Variants in CRADD observed in about 807,000 individuals in gnomAD.
CRADD encodes the protein death domain-containing protein CRADD.
A neutral mutation model predicts 15.5 loss-of-function variants in CRADD; 9 were observed. The ratio of observed to expected loss-of-function variants is 0.58; its 90% CI spans 0.35 to 1.01. The LOEUF is 1.01. Among genes scored for constraint, CRADD ranks in the 50% least tolerant of loss-of-function variants. The probability of loss-of-function intolerance (pLI) is 0.02; values close to 1 mark genes in which losing one functional copy is unlikely to be tolerated. For synonymous variants in CRADD, 118 were observed against 107.6 expected, an observed-to-expected ratio of 1.10 and a Z score of -0.60; for missense variants, 227 against 250.3, an observed-to-expected ratio of 0.91 and a Z score of 0.63.
At chr12:93,793,005 C>G (rs1957367135) in intron 2 of CRADD, among the ~76,000 whole-genome samples, 1 of 152,118 alleles carries the variant, frequency 6.6e-6, no homozygotes, top group South Asian at 2.1e-4. Flanking sequence ...GAACAAGTTG[C>G]AAATTTCTTA....
intron 2 of CRADD, among the ~76,000 whole-genome samples, chr12:93,692,772 A>G (rs1365658424): frequency 6.6e-6 from 1 of 152,210 alleles, no homozygotes; most frequent in Non-Finnish European, 1.5e-5. Context: ...TAACATGGAA[A>G]CGTACGAAAG....
intron 2 of CRADD, among the ~76,000 whole-genome samples, chr12:93,807,329 G>T (rs1957550490): frequency 6.6e-6 from 1 of 152,136 alleles, no homozygotes; most frequent in East Asian, 1.9e-4. Flanking sequence ...CTGAAGGAGA[G>T]AATAGGAATG....
At chr12:93,759,883 T>C (rs76044632) in intron 2 of CRADD, among the ~76,000 whole-genome samples, 4,288 of 152,306 alleles carry the variant, frequency 0.028, 197 homozygotes, top group African/African-American at 0.097. Flanking sequence ...TAGAAATTGT[T>C]GGGAGTCTAC....
At chr12:93,758,998 G>A (rs188507963) in intron 2 of CRADD, among the ~76,000 whole-genome samples, 123 of 152,246 alleles carry the variant, frequency 8.1e-4, no homozygotes, top group African/African-American at 2.9e-3. Flanking sequence ...ATCCTCACAG[G>A]TTTCCAGGAA....
At chr12:93,715,286 G>A (rs1956142651) in intron 2 of CRADD, among the ~76,000 whole-genome samples, 1 of 152,074 alleles carries the variant, frequency 6.6e-6, no homozygotes. Flanking sequence ...GAGAATCTTG[G>A]TTTTATTTTT....
intron 2 of CRADD, among the ~76,000 whole-genome samples, chr12:93,828,700 C>T: frequency 6.6e-6 from 1 of 152,158 alleles, no homozygotes. Flanking sequence ...ATTTGTCTAC[C>T]TTTTCACTAA....
chr12:93,742,296 T>A (rs1956681888), intron 2 of CRADD, among the ~76,000 whole-genome samples: 1 of 152,102 alleles, frequency 6.6e-6, no homozygotes, highest in African/African-American at 2.4e-5. Context: ...GGAACCCGGC[T>A]CTTTCTTTTT....
At chr12:93,854,001 A>G (rs1958250188), downstream of CRADD, among the ~76,000 whole-genome samples, 1 of 152,226 alleles carries the variant, frequency 6.6e-6, no homozygotes, top group South Asian at 2.1e-4. Flanking sequence ...ATATGTTACA[A>G]TGAACTGGAT....
At chr12:93,679,133 T>G (rs1434508127) in intron 2 of CRADD, 61 bp downstream of exon 2, 1 of 1,337,218 alleles carries the variant, frequency 7.5e-7, no homozygotes, top group Non-Finnish European at 1.0e-6. Flanking sequence ...GCTCTTTGCT[T>G]TTTTGTTTAT....
chr12:93,865,803 T>C (rs926256756), intron 2 of CRADD, among the ~76,000 whole-genome samples: 1 of 142,416 alleles, frequency 7.0e-6, no homozygotes, highest in Non-Finnish European at 1.5e-5. Context: ...TTCTTTGTAT[T>C]ATTGTTATTG....
intron 2 of CRADD, among the ~76,000 whole-genome samples, chr12:93,868,706 A>T (rs1455078220): frequency 6.6e-6 from 1 of 151,906 alleles, no homozygotes; most frequent in Non-Finnish European, 1.5e-5. Flanking sequence ...ACACACACAC[A>T]CACACACAAG....
chr12:93,755,321 G>A (rs1393770136), intron 2 of CRADD, among the ~76,000 whole-genome samples: 2 of 152,142 alleles, frequency 1.3e-5, no homozygotes. Flanking sequence ...AGGAGTGGTG[G>A]GCTTAGAAGG....
rs559514631 is a variant in CRADD, at chr12:93,818,540, C to T, written c.299-31430C>T. Among the ~76,000 whole-genome samples the T allele has an allele frequency of 2.4e-4, 36 of 152,000 alleles. No homozygotes were observed. The South Asian group carries it at 3.7e-3, about 16-fold the overall frequency. ...GACGGGTTTTGTCTTGACATACTAG[C>T]GGGTGGGAGGTGGGGAGGAACAAAA... is the stretch of plus-strand genomic sequence containing the variant. On this transcript the variant is annotated intron_variant, in intron 2 of 2. Transcript: ENST00000332896.
chr12:93,889,323 A>G (rs1050173966), intron 2 of CRADD, among the ~76,000 whole-genome samples: 2 of 152,164 alleles, frequency 1.3e-5, no homozygotes, highest in Non-Finnish European at 2.9e-5. Context: ...GACCAAGTTC[A>G]TGCAATGCCA....
chr12:93,806,463 A>C (rs914242170), intron 2 of CRADD, among the ~76,000 whole-genome samples: 10 of 149,384 alleles, frequency 6.7e-5, no homozygotes, highest in African/African-American at 1.7e-4. Flanking sequence ...AAAAAAAAAA[A>C]AAAAAAAAAC....
At chr12:93,832,772 G>A (rs11107206) in intron 2 of CRADD, among the ~76,000 whole-genome samples, 32,288 of 152,148 alleles carry the variant, frequency 0.21, 4,543 homozygotes, top group Non-Finnish European at 0.32. Context: ...TAGAAAAGGG[G>A]GAAGACTGAA....
chr12:93,719,090 T>C (rs1205447539), intron 2 of CRADD, among the ~76,000 whole-genome samples: 1 of 152,184 alleles, frequency 6.6e-6, no homozygotes, highest in Non-Finnish European at 1.5e-5. Context: ...TGATGTTAGC[T>C]GCAGGGTTTT....
downstream of CRADD, among the ~76,000 whole-genome samples, chr12:93,855,666 C>T (rs1418850702): frequency 6.6e-6 from 1 of 152,182 alleles, no homozygotes. Context: ...GTGCCAGTTT[C>T]CCCACATGTA....
intron 2 of CRADD, among the ~76,000 whole-genome samples, chr12:93,726,411 T>C (rs893299366): frequency 1.3e-5 from 2 of 152,170 alleles, no homozygotes; most frequent in Non-Finnish European, 2.9e-5. Context: ...GCCAATAGTT[T>C]AGTTTTTTAA....
Sources: gnomAD v4.1 joint callset for allele counts (sites outside exome capture counted in the v4.1 genomes callset) on GRCh38, gnomAD v4.1.1 for gene constraint, MANE v1.5 for transcripts, NCBI Gene and HGNC (gene_info 2026-07-23, HGNC 2026-07-21) for gene names.